Variants in SRRM4 observed in about 807,000 individuals in gnomAD.
SRRM4 encodes the protein serine/arginine repetitive matrix 4, also known as serine/arginine repetitive matrix protein 4.
SRRM4 carries 33 observed loss-of-function variants against 68.9 expected under a neutral mutation model. The ratio of observed to expected loss-of-function variants is 0.48; its 90% CI spans 0.36 to 0.64. The LOEUF is 0.64. Ranked by LOEUF, SRRM4 falls within the 30% of genes least tolerant of loss-of-function variation. The pLI is 0.00. For synonymous variants in SRRM4, 318 were observed against 318.8 expected, an observed-to-expected ratio of 1.00 and a Z score of 0.03; for missense variants, 817 against 827.1, an observed-to-expected ratio of 0.99 and a Z score of 0.15.
At chr12:119,126,213 A>G (rs1467473350) in intron 7 of SRRM4, among the ~76,000 whole-genome samples, 1 of 151,604 alleles carries the variant, frequency 6.6e-6, no homozygotes, top group African/African-American at 2.4e-5. Flanking sequence ...TAGTAGAGAC[A>G]GGGTTTCACC....
chr12:119,084,915 T>C (rs1413975919), intron 1 of SRRM4, among the ~76,000 whole-genome samples: 5 of 152,220 alleles, frequency 3.3e-5, no homozygotes, highest in African/African-American at 7.2e-5. Flanking sequence ...CTTTATTTAT[T>C]TGAGACAGAG....
At chr12:119,075,739 G>A (rs1953907323) in intron 1 of SRRM4, among the ~76,000 whole-genome samples, 1 of 151,180 alleles carries the variant, frequency 6.6e-6, no homozygotes, top group Non-Finnish European at 1.5e-5. Flanking sequence ...TGATGGTGAT[G>A]ATGATGGTGG....
chr12:118,986,680 G>A (rs922223777), intron 1 of SRRM4, among the ~76,000 whole-genome samples: 5 of 152,164 alleles, frequency 3.3e-5, no homozygotes, highest in African/African-American at 1.2e-4. Context: ...GTCTGGGCAA[G>A]TAGACATGTT....
Position 119,031,804 on chromosome 12 carries a change from T to C in SRRM4, c.131+49791T>C, listed in dbSNP as rs556561590. Reference sequence around the variant, plus strand: ...ATAATTTTTGCCCATTAAAAAAAGCTGTTCAAAGTTTTAATAGAATAAAGA... The same window carrying C: ...ATAATTTTTGCCCATTAAAAAAAGCCGTTCAAAGTTTTAATAGAATAAAGA... On this transcript the variant is annotated intron_variant, in intron 1 of 12. Transcript: ENST00000267260. Among the ~76,000 whole-genome samples the C allele has an allele frequency of 1.6e-4, 24 of 152,324 alleles. 1 individual carries two copies. In the East Asian group the frequency reaches 4.4e-3, roughly 28 times the overall value.
In SRRM4 at chr12:118,981,899, A is replaced by G. The variant is rs369614114; in HGVS notation, c.17A>G (p.Gln6Arg). The G allele has an allele frequency of 1.8e-5, 29 of 1,613,552 alleles. No individual in the cohort carries two copies. Among genetic ancestry groups the G allele is most frequent in the Non-Finnish European group, 2.3e-5 (27 of 1,179,800 alleles). The change falls in exon 1 of 13, where the codon CAA (glutamine) becomes CGA (arginine). Residue 6 changes from glutamine to arginine, a missense_variant. Coordinates refer to ENST00000267260, the MANE Select transcript of SRRM4 (RefSeq NM_194286.4). ...GGGTTGGCGATGGCGAGCGTTCAGC[A>G]AGGCGAGAAGCAGCTTTTTGAGAAG... MASVQ[Q>R]GEKQLFEKFW...
chr12:119,042,920 G>T (rs1332831710), intron 1 of SRRM4, among the ~76,000 whole-genome samples: 1 of 152,174 alleles, frequency 6.6e-6, no homozygotes, highest in African/African-American at 2.4e-5. Context: ...CGGAGAAATA[G>T]AAATGCTTTT....
At position 119,160,844 on chromosome 12, in the gene SRRM4, T is replaced by G. The variant is rs1175811841; in HGVS notation, c.*4046T>G. The G allele has an allele frequency of 6.6e-6, 1 of 152,180 alleles. No homozygotes were observed. Among genetic ancestry groups the G allele is most frequent in the Non-Finnish European group, 1.5e-5 (1 of 68,032 alleles). 9.4% of individuals were successfully genotyped at this position (152,180 alleles called of 1,614,324 possible). Reference sequence around the variant, plus strand: ...TAAAAACGAAAAGCAAGATTTGATCTCCCTTCAGTTAATTAGGCAAGGCTA... The same window carrying G: ...TAAAAACGAAAAGCAAGATTTGATCGCCCTTCAGTTAATTAGGCAAGGCTA... On this transcript the variant is annotated 3_prime_UTR_variant, in exon 13 of 13. Coordinates refer to ENST00000267260, the MANE Select transcript of SRRM4 (RefSeq NM_194286.4).
At chr12:119,122,304 A>AAGGC (rs1312316329) in intron 6 of SRRM4, among the ~76,000 whole-genome samples, 184 bp downstream of exon 6, 9 of 109,692 alleles carry the variant, frequency 8.2e-5, no homozygotes, top group African/African-American at 2.5e-4. Flanking sequence ...GGAAGGAAGG[A>AAGGC]AGGAAGGAAG....
chr12:119,103,820 T>G (rs1024791182), intron 2 of SRRM4, among the ~76,000 whole-genome samples: 2 of 152,142 alleles, frequency 1.3e-5, no homozygotes, highest in Non-Finnish European at 2.9e-5. Context: ...CTGGCCAACA[T>G]GGTGAAACCC....
rs1252791269 is a variant in SRRM4, at chr12:119,160,277, GTCTCTCTCTCTGTC to G, written c.*3491_*3504del. ...TCTCTCTCTCTCTGTCTCTCTCTCT[GTCTCTCTCTCTGTC>G]TCTCTCTCTCTCTCTCTCTCTCTCT... On this transcript the variant is annotated 3_prime_UTR_variant, in exon 13 of 13. Transcript: ENST00000267260. 4.3e-4 allele frequency: 57 copies of G among 131,104 alleles called. No homozygotes were observed. Among genetic ancestry groups the G allele is most frequent in the South Asian group, 3.3e-3 (12 of 3,638 alleles). 8.1% of individuals were successfully genotyped at this position (131,104 alleles called of 1,614,324 possible).
At chr12:119,069,033 C>T (rs528571161) in intron 1 of SRRM4, among the ~76,000 whole-genome samples, 1 of 152,198 alleles carries the variant, frequency 6.6e-6, no homozygotes, top group East Asian at 1.9e-4. Context: ...ACTAAGCCCA[C>T]AGATCTAATT....
At chr12:119,114,811 C>A (rs1235618527) in intron 3 of SRRM4, among the ~76,000 whole-genome samples, 1 of 151,740 alleles carries the variant, frequency 6.6e-6, no homozygotes, top group East Asian at 1.9e-4. Context: ...ACTACAGGCG[C>A]CCGCCACCAC....
At chr12:119,004,601 G>A (rs1372662233) in intron 1 of SRRM4, among the ~76,000 whole-genome samples, 2 of 151,928 alleles carry the variant, frequency 1.3e-5, no homozygotes, top group Non-Finnish European at 2.9e-5. Context: ...CTAGCAAAGG[G>A]TGGGTCAGAA....
Position 119,151,191 on chromosome 12 carries a change from CCAAAGCCGATCCACCT to C in SRRM4, c.1253_1268del (p.Gln418LeufsTer71). On this transcript the variant is annotated frameshift_variant, in exon 10 of 13. Transcript: ENST00000267260. LOFTEE classifies it high-confidence loss of function. ...ATCCCAGGGCTTCCCCCAGGTACAC[CCAAAGCCGATCCACCT>C]CTTCTGAAAAAAGGTGAGTGTGGTT... 1 of 1,613,986 alleles carries C rather than the reference CCAAAGCCGATCCACCT, an allele frequency of 6.2e-7. No homozygotes were observed. Among genetic ancestry groups the C allele is most frequent in the Non-Finnish European group, 8.5e-7 (1 of 1,179,872 alleles).
At chr12:119,150,194 G>A (rs776252613) in intron 9 of SRRM4, among the ~76,000 whole-genome samples, 10 of 152,172 alleles carry the variant, frequency 6.6e-5, no homozygotes, top group Admixed American at 5.9e-4. Flanking sequence ...GTCCTTGGCC[G>A]GGCACAGGGG....
At position 118,981,735 on chromosome 12, in the gene SRRM4, C is replaced by T. The variant is rs1359464096; in HGVS notation, c.-148C>T. Reference sequence around the variant, plus strand: ...GCCTGCCCGGGCTGGGGCGTCCCATCCCCCGCCCTGAACTCCGATCTCTCC... The same window carrying T: ...GCCTGCCCGGGCTGGGGCGTCCCATTCCCCGCCCTGAACTCCGATCTCTCC... On this transcript the variant is annotated 5_prime_UTR_variant, in exon 1 of 13. Transcript: ENST00000267260. 6.3e-6 allele frequency: 5 copies of T among 788,602 alleles called. No homozygotes were observed. Among genetic ancestry groups the T allele is most frequent in the East Asian group, 3.1e-5 (1 of 32,494 alleles). 48.9% of individuals were successfully genotyped at this position (788,602 alleles called of 1,614,324 possible).
At chr12:119,117,032 C>T (rs1330413349) in intron 4 of SRRM4, 24 bp downstream of exon 4, 2 of 1,609,924 alleles carry the variant, frequency 1.2e-6, no homozygotes, top group Admixed American at 1.7e-5. Flanking sequence ...TCTCTGCAAA[C>T]AAGACCTCCC....
Position 119,158,271 on chromosome 12 carries a change from GGAGGGAGC to G in SRRM4, c.*1481_*1488del, listed in dbSNP as rs1196239589. The G allele has an allele frequency of 6.5e-6, 1 of 152,920 alleles. No individual in the cohort carries two copies. Among genetic ancestry groups the G allele is most frequent in the Admixed American group, 6.5e-5 (1 of 15,288 alleles). 9.5% of individuals were successfully genotyped at this position (152,920 alleles called of 1,614,324 possible). On this transcript the variant is annotated 3_prime_UTR_variant, in exon 13 of 13. Transcript: ENST00000267260. ...TGGCAACAGCAGCAGGACAGGGCAC[GGAGGGAGC>G]GAGGGAGAGAGGACCGGTCCCAGCT...
At chr12:119,023,298 G>C (rs1289539209) in intron 1 of SRRM4, among the ~76,000 whole-genome samples, 2 of 152,218 alleles carry the variant, frequency 1.3e-5, no homozygotes, top group African/African-American at 4.8e-5. Flanking sequence ...AAATGGAGAT[G>C]AAACTGGGTG....
Sources: gnomAD v4.1 joint callset for allele counts (sites outside exome capture counted in the v4.1 genomes callset) on GRCh38, gnomAD v4.1.1 for gene constraint, MANE v1.5 for transcripts, NCBI Gene and HGNC (gene_info 2026-07-23, HGNC 2026-07-21) for gene names.